The following ZNF608 variants were observed in gnomAD, a reference collection of about 807,000 sequenced individuals.
ZNF608 encodes zinc finger protein 608, also known as renal carcinoma antigen NY-REN-36.
In ZNF608, 12 loss-of-function variants were observed where a neutral mutation model predicts 109.0. That is an observed-to-expected ratio of 0.11 (90% CI 0.07 to 0.18). The LOEUF (loss-of-function observed/expected upper bound fraction) is 0.18. ZNF608 is among the 10% of genes least tolerant of loss of function. ZNF608 has a pLI of 1.00. For synonymous variants in ZNF608, 732 were observed against 717.4 expected (o/e 1.02, Z -0.33); for missense variants, 1,707 against 1,879.3 (o/e 0.91, Z 1.70).
chr5:124,716,872 C>A (rs895450887), intron 2 of ZNF608, among the ~76,000 whole-genome samples: 1 of 151,986 alleles, frequency 6.6e-6, no homozygotes, highest in Non-Finnish European at 1.5e-5. Context: ...CACCTGAGGT[C>A]GGGAGTTGGA....
intron 3 of ZNF608, among the ~76,000 whole-genome samples, chr5:124,660,731 A>G (rs551666188): frequency 1.6e-4 from 24 of 152,186 alleles, no homozygotes; most frequent in Non-Finnish European, 2.9e-4. Context: ...TGATTTATGT[A>G]AAGTATTTAA....
rs1749175594 is a variant in ZNF608 at position 124,736,793 on chromosome 5, A to G, written c.906+7291T>C. Among the ~76,000 whole-genome samples the G allele has an allele frequency of 3.3e-5, 5 of 152,354 alleles. No homozygotes were observed. In the South Asian group the frequency reaches 1.0e-3, roughly 32 times the overall value. On this transcript the variant is annotated intron_variant, in intron 2 of 9. Coordinates refer to ENST00000513986, the MANE Select transcript of ZNF608 (RefSeq NM_020747.3). ...AAACAGTGACTTCCAGGAGTTTATG[A>G]AAGTGTGACCAATTGGAACTTTGTC...
At chr5:124,742,106 C>T (rs1749435155) in intron 2 of ZNF608, among the ~76,000 whole-genome samples, 1 of 152,062 alleles carries the variant, frequency 6.6e-6, no homozygotes, top group South Asian at 2.1e-4. Flanking sequence ...ATTTATACTG[C>T]TCTAACTGAA....
At chr5:124,713,320 G>A (rs1383135886) in intron 2 of ZNF608, among the ~76,000 whole-genome samples, 2 of 152,348 alleles carry the variant, frequency 1.3e-5, no homozygotes, top group Non-Finnish European at 2.9e-5. Flanking sequence ...TCAGTCCACA[G>A]TCTAGTTAAA....
chr5:124,709,360 C>T (rs1259583572), intron 2 of ZNF608, among the ~76,000 whole-genome samples: 1 of 152,044 alleles, frequency 6.6e-6, no homozygotes. Context: ...CTATTTTTAA[C>T]TTCATTCTCT....
In ZNF608 at chr5:124,744,025, C is replaced by G; in HGVS notation, c.906+59G>C. On this transcript the variant is annotated intron_variant, in intron 2 of 9. Coordinates refer to ENST00000513986, the MANE Select transcript of ZNF608 (RefSeq NM_020747.3). The surrounding 1 kb of genome is among the most constrained non-coding windows in gnomAD (Gnocchi z 4.5). ...AGGCACACAGAGGCACACCCCCACA[C>G]ACCCACACAAATGCACACAGAGGAG... 1 of 1,529,094 alleles carries G rather than the reference C, an allele frequency of 6.5e-7. No individual in the cohort carries two copies. Among genetic ancestry groups the G allele is most frequent in the African/African-American group, 1.4e-5 (1 of 72,362 alleles). The allele number at this position is 1,529,094 out of a possible 1,614,324, so 94.7% of individuals were successfully genotyped here. A position where few individuals can be genotyped will look rare whatever the true frequency, so the allele number is the denominator to read the frequency against.
At chr5:124,711,579 C>T (rs1487502678) in intron 2 of ZNF608, among the ~76,000 whole-genome samples, 3 of 152,218 alleles carry the variant, frequency 2.0e-5, no homozygotes, top group Non-Finnish European at 2.9e-5. Flanking sequence ...TAACCCCAGG[C>T]CCTCCCCTTT....
intron 2 of ZNF608, among the ~76,000 whole-genome samples, chr5:124,722,379 T>A (rs1753961397): frequency 6.6e-6 from 1 of 152,168 alleles, no homozygotes; most frequent in Non-Finnish European, 1.5e-5. Context: ...TGCAGGGATG[T>A]TTCTGCCCTA....
intron 3 of ZNF608, among the ~76,000 whole-genome samples, chr5:124,695,862 AT>A (rs1752826586): frequency 6.6e-6 from 1 of 152,016 alleles, no homozygotes; most frequent in Non-Finnish European, 1.5e-5. Context: ...AAGCAGAAGA[AT>A]TTTAGAACAT....
chr5:124,725,502 T>G (rs756231480), intron 2 of ZNF608, among the ~76,000 whole-genome samples: 11 of 152,076 alleles, frequency 7.2e-5, no homozygotes, highest in Non-Finnish European at 1.3e-4. Flanking sequence ...TGAGACCTGC[T>G]TTTATACCTC....
At chr5:124,649,550 C>A in intron 4 of ZNF608, 60 bp downstream of exon 4, 1 of 1,363,252 alleles carries the variant, frequency 7.3e-7, no homozygotes, top group Non-Finnish European at 1.0e-6. Context: ...GAATCTCTCT[C>A]TACAGTTTCC....
At chr5:124,690,155 A>G (rs1053606979) in intron 3 of ZNF608, among the ~76,000 whole-genome samples, 1 of 152,234 alleles carries the variant, frequency 6.6e-6, no homozygotes, top group Admixed American at 6.5e-5. Context: ...GATTCCAACA[A>G]TATGTCATCT....
chr5:124,672,820 T>G (rs1359869194), intron 3 of ZNF608, among the ~76,000 whole-genome samples: 1 of 152,216 alleles, frequency 6.6e-6, no homozygotes, highest in Non-Finnish European at 1.5e-5. Context: ...AACTCTCAGA[T>G]CTTAACCTTG....
At position 124,637,558 on chromosome 5, in the gene ZNF608, A is replaced by T. The variant is rs940841194; in HGVS notation, c.*342T>A. The T allele has an allele frequency of 1.3e-5, 2 of 154,336 alleles. No individual in the cohort carries two copies. Among genetic ancestry groups the T allele is most frequent in the East Asian group, 3.8e-4 (2 of 5,278 alleles). The allele number at this position is 154,336 out of a possible 1,614,324, so 9.6% of individuals were successfully genotyped here. On this transcript the variant is annotated 3_prime_UTR_variant, in exon 10 of 10. Coordinates refer to ENST00000513986, the MANE Select transcript of ZNF608 (RefSeq NM_020747.3). ...CCTTTTGTGGCTAACACTTTTTAAC[A>T]TGACAAATACATTTTTAATTTCCTT...
rs779653272 is a variant in ZNF608 at position 124,648,137 on chromosome 5, T to A, written c.2247A>T (p.Leu749=). 1.9e-6 allele frequency: 3 copies of A among 1,613,896 alleles called. No individual in the cohort carries two copies. The highest frequency in any genetic ancestry group is 3.3e-5 in the Admixed American group (2 of 60,010). Residue 749 remains leucine, a synonymous_variant, in exon 5 of 10, where the codon CTA becomes CTT. Coordinates refer to ENST00000513986, the MANE Select transcript of ZNF608 (RefSeq NM_020747.3). ...APAPAPTPPQ[L]IAIPTATFTT... ...TAAAGGTTGCAGTGGGTATAGCGAT[T>A]AGCTGCGGGGGAGTGGGGGCTGGGG...
intron 3 of ZNF608, among the ~76,000 whole-genome samples, chr5:124,654,280 C>T (rs1296444091): frequency 6.6e-6 from 1 of 152,098 alleles, no homozygotes; most frequent in East Asian, 1.9e-4. Flanking sequence ...CGTCAGCCTC[C>T]CAAAATGCTG....
chr5:124,674,287 C>T (rs1035669283), intron 3 of ZNF608, among the ~76,000 whole-genome samples: 19 of 152,120 alleles, frequency 1.2e-4, no homozygotes, highest in Non-Finnish European at 2.6e-4. Context: ...GTTCAAAAAC[C>T]GCTGCACATT....
At chr5:124,711,555 C>T (rs914990596) in intron 2 of ZNF608, among the ~76,000 whole-genome samples, 1 of 152,216 alleles carries the variant, frequency 6.6e-6, no homozygotes, top group Non-Finnish European at 1.5e-5. Context: ...GTTTGTGTGA[C>T]AGGAATCATG....
At chr5:124,642,644 G>C (rs1003544348) in intron 7 of ZNF608, among the ~76,000 whole-genome samples, 1 of 148,782 alleles carries the variant, frequency 6.7e-6, no homozygotes, top group Non-Finnish European at 1.5e-5. Context: ...GGGGCTACTA[G>C]TTCCCATCAG....
Sources: gnomAD v4.1 joint callset for allele counts (sites outside exome capture counted in the v4.1 genomes callset) on GRCh38, gnomAD v4.1.1 for gene constraint, Gnocchi (gnomAD v3.1) non-coding constraint, MANE v1.5 for transcripts, NCBI Gene and HGNC (gene_info 2026-07-23, HGNC 2026-07-21) for gene names.